Variants in KHDRBS2 observed in about 807,000 individuals in gnomAD.
The protein encoded by KHDRBS2 is KH RNA binding domain containing, signal transduction associated 2.
In KHDRBS2, 26 loss-of-function variants were observed where a neutral mutation model predicts 44.3. That is an observed-to-expected ratio of 0.59 (90% CI 0.43 to 0.81). The LOEUF (loss-of-function observed/expected upper bound fraction) is 0.81, where lower values mean the gene tolerates loss of function less well. KHDRBS2 is among the 40% of genes least tolerant of loss of function. The pLI, the probability that KHDRBS2 is intolerant of heterozygous loss-of-function variation, is 0.00. For synonymous variants in KHDRBS2, 194 were observed against 151.1 expected, an observed-to-expected ratio of 1.28 and a Z score of -2.08; for missense variants, 476 against 433.1, an observed-to-expected ratio of 1.10 and a Z score of -0.88.
chr6:62,123,527 T>C (rs1271699960), intron 2 of KHDRBS2, among the ~76,000 whole-genome samples: 4 of 152,212 alleles, frequency 2.6e-5, no homozygotes, highest in Admixed American at 2.0e-4. Context: ...TGCCACAAAA[T>C]GTATCCTGCA....
the KHDRBS2 span, among the ~76,000 whole-genome samples, chr6:61,543,758 AC>A: frequency 6.6e-6 from 1 of 152,134 alleles, no homozygotes. Flanking sequence ...ACAATGGAGT[AC>A]TATTCAGCTA....
intron 6 of KHDRBS2, among the ~76,000 whole-genome samples, chr6:61,784,170 T>C: frequency 6.6e-6 from 1 of 152,036 alleles, no homozygotes; most frequent in African/African-American, 2.4e-5. Flanking sequence ...TAAAATGTTA[T>C]TTAATTTGAA....
chr6:61,731,786 T>C (rs1384496563), intron 7 of KHDRBS2, among the ~76,000 whole-genome samples: 1 of 152,034 alleles, frequency 6.6e-6, no homozygotes, highest in Non-Finnish European at 1.5e-5. Context: ...TGTAACACTT[T>C]TAAGAAAAAA....
intron 6 of KHDRBS2, among the ~76,000 whole-genome samples, chr6:61,791,210 T>C (rs1784592141): frequency 6.6e-6 from 1 of 151,438 alleles, no homozygotes; most frequent in African/African-American, 2.4e-5. Context: ...TCTGTTTTTT[T>C]CCCCTGCCTC....
chr6:61,930,539 AAAAAAAG>A (rs1279508234), intron 4 of KHDRBS2, among the ~76,000 whole-genome samples: 1,171 of 32,984 alleles, frequency 0.036, 217 homozygotes, highest in Non-Finnish European at 0.061. Context: ...AAAAAAAAAA[AAAAAAAG>A]AAAAAAAAAA....
chr6:62,134,287 T>C (rs888469107), intron 2 of KHDRBS2, among the ~76,000 whole-genome samples: 1 of 152,158 alleles, frequency 6.6e-6, no homozygotes, highest in African/African-American at 2.4e-5. Context: ...GCTTGGACCG[T>C]GGCTTCAGAG....
rs115409709 is a variant in KHDRBS2 at position 62,100,870 on chromosome 6, T to C, written c.220-52876A>G. Among the ~76,000 whole-genome samples the C allele has an allele frequency of 1.6e-3, 246 of 152,292 alleles. 1 individual carries two copies. Among genetic ancestry groups the C allele is most frequent in the African/African-American group, 5.7e-3 (239 of 41,578 alleles). ...AACCAAGCCCATAACATCTCTGAGG[T>C]ATGCCTATACTTGCAGACTAAAGAA... On this transcript the variant is annotated intron_variant, in intron 2 of 8. Transcript: ENST00000281156.
chr6:62,006,319 T>C (rs1779215519), intron 3 of KHDRBS2, among the ~76,000 whole-genome samples: 1 of 152,046 alleles, frequency 6.6e-6, no homozygotes, highest in Non-Finnish European at 1.5e-5. Flanking sequence ...TCTAAAGTTA[T>C]ATATGCAAAA....
intron 6 of KHDRBS2, among the ~76,000 whole-genome samples, chr6:61,763,270 C>A (rs1779533663): frequency 6.6e-6 from 1 of 152,042 alleles, no homozygotes; most frequent in African/African-American, 2.4e-5. Context: ...TTGAAACGGG[C>A]TTTATAAATA....
intron 6 of KHDRBS2, among the ~76,000 whole-genome samples, chr6:61,831,438 ATAT>A (rs1448689231): frequency 6.6e-6 from 1 of 151,976 alleles, no homozygotes; most frequent in Non-Finnish European, 1.5e-5. Flanking sequence ...ATTTCTATCA[ATAT>A]TATTATTATT....
chr6:61,970,422 A>C (rs1402047940), intron 4 of KHDRBS2, among the ~76,000 whole-genome samples: 4 of 152,098 alleles, frequency 2.6e-5, no homozygotes, highest in African/African-American at 9.7e-5. Context: ...TATCTTGGTA[A>C]AATGCTTGAA....
intron 4 of KHDRBS2, among the ~76,000 whole-genome samples, chr6:61,955,155 T>A (rs1201983412): frequency 6.9e-6 from 1 of 145,220 alleles, no homozygotes; most frequent in African/African-American, 2.5e-5. Context: ...TACGTGTGTA[T>A]GTATGTATAC....
intron 4 of KHDRBS2, among the ~76,000 whole-genome samples, chr6:61,954,989 C>CAT (rs144454493): frequency 0.5 from 65,158 of 130,976 alleles, 17,566 homozygotes; most frequent in African/African-American, 0.63. Flanking sequence ...TATGTGTATA[C>CAT]ATATATAGAC....
At chr6:61,906,582 A>C (rs148387341) in intron 4 of KHDRBS2, among the ~76,000 whole-genome samples, 1 of 151,960 alleles carries the variant, frequency 6.6e-6, no homozygotes, top group African/African-American at 2.4e-5. Context: ...GGTAACCATC[A>C]TTCTACTCTA....
At chr6:61,901,472 T>G in intron 4 of KHDRBS2, 101 bp from the exon 5 acceptor site, 3 of 929,550 alleles carry the variant, frequency 3.2e-6, no homozygotes, top group Non-Finnish European at 4.8e-6. Flanking sequence ...TAGGAAATAA[T>G]TTTTTTCATT....
At chr6:62,285,436 T>C (rs2150200028) in intron 1 of KHDRBS2, among the ~76,000 whole-genome samples, 1 of 152,270 alleles carries the variant, frequency 6.6e-6, no homozygotes, top group South Asian at 2.1e-4. Flanking sequence ...AATCACTTCC[T>C]AAATGCAGCA....
intron 2 of KHDRBS2, among the ~76,000 whole-genome samples, chr6:62,062,884 A>T (rs1792363397): frequency 6.7e-6 from 1 of 149,254 alleles, no homozygotes. Flanking sequence ...ACTGCTAGCA[A>T]GACTAATAAA....
At chr6:62,218,280 A>T (rs916289772) in intron 1 of KHDRBS2, among the ~76,000 whole-genome samples, 3 of 151,940 alleles carry the variant, frequency 2.0e-5, no homozygotes, top group Non-Finnish European at 4.4e-5. Context: ...TGATTTTTAA[A>T]ATCTCCAATG....
intron 3 of KHDRBS2, among the ~76,000 whole-genome samples, chr6:62,023,533 G>A (rs1225273153): frequency 6.6e-6 from 1 of 151,558 alleles, no homozygotes; most frequent in South Asian, 2.1e-4. Context: ...TATGTGGAAA[G>A]AAATATTTTT....
Sources: gnomAD v4.1 joint callset for allele counts (sites outside exome capture counted in the v4.1 genomes callset) on GRCh38, gnomAD v4.1.1 for gene constraint, MANE v1.5 for transcripts, NCBI Gene and HGNC (gene_info 2026-07-23, HGNC 2026-07-21) for gene names.